KIAA1549L: variants seen among roughly 807,000 people sequenced by gnomAD.
KIAA1549L encodes UPF0606 protein KIAA1549L.
Under a neutral mutation model 160.7 loss-of-function variants are expected in KIAA1549L, and 88 were observed. The observed-to-expected ratio is 0.55, with a 90% CI of 0.46 to 0.65. KIAA1549L has a LOEUF of 0.65. Ranked by LOEUF, KIAA1549L falls within the 30% of genes least tolerant of loss-of-function variation. KIAA1549L has a pLI of 0.00. For missense variants in KIAA1549L, 2,258 were observed against 2,437.5 expected, an observed-to-expected ratio of 0.93 and a Z score of 1.55; for synonymous variants, 950 against 976.7, an observed-to-expected ratio of 0.97 and a Z score of 0.51.
chr11:33,575,625 G>C (rs1347564453), intron 10 of KIAA1549L, among the ~76,000 whole-genome samples: 1 of 152,164 alleles, frequency 6.6e-6, no homozygotes, highest in Non-Finnish European at 1.5e-5. Context: ...TATTAATCTA[G>C]ATCTGTCTGA....
rs780124463 is a variant in KIAA1549L at position 33,667,919 on chromosome 11, C to T, written c.6206C>T (p.Pro2069Leu). Residue 2069 changes from proline (P) to leucine (L), a missense_variant, in exon 21 of 21, where the codon CCC (proline) becomes CTC (leucine). Coordinates refer to ENST00000658780, the MANE Select transcript of KIAA1549L (RefSeq NM_012194.3). ...YIEAYPRSRY[P>L]QSSPSRLPRQ... is the part of the protein sequence containing the mutation. ...GAGGCCTACCCCCGATCACGGTACCCCCAGAGCTCTCCCTCCAGGCTTCCT... is the reference window on the plus strand; with the variant it reads ...GAGGCCTACCCCCGATCACGGTACCTCCAGAGCTCTCCCTCCAGGCTTCCT... 5 of 1,613,592 alleles carry T rather than the reference C, an allele frequency of 3.1e-6. No individual in the cohort carries two copies. The Admixed American group carries it at 6.7e-5, about 22-fold the overall frequency.
intron 1 of KIAA1549L, among the ~76,000 whole-genome samples, chr11:33,427,244 A>G (rs1316900967): frequency 1.4e-5 from 2 of 146,330 alleles, no homozygotes; most frequent in African/African-American, 2.4e-5. Flanking sequence ...CTCCCAAGAA[A>G]AAACAGGTAG....
chr11:33,646,436 CTTTGAGCCAGA>C (rs1851726326), intron 17 of KIAA1549L, among the ~76,000 whole-genome samples: 1 of 152,160 alleles, frequency 6.6e-6, no homozygotes. Context: ...AGCGCACAGG[CTTTGAGCCAGA>C]TGGCTCGAAT....
intron 1 of KIAA1549L, among the ~76,000 whole-genome samples, chr11:33,528,809 C>T (rs1276724282): frequency 6.6e-6 from 1 of 152,074 alleles, no homozygotes; most frequent in Non-Finnish European, 1.5e-5. Flanking sequence ...ATATAATGGA[C>T]TCTGGGGACT....
At chr11:33,548,844 G>A (rs150988067) in intron 4 of KIAA1549L, among the ~76,000 whole-genome samples, 1 of 151,436 alleles carries the variant, frequency 6.6e-6, no homozygotes, top group East Asian at 1.9e-4. Context: ...CTGTCCTACA[G>A]CTGCAGTCAG....
chr11:33,578,588 C>A (rs1215991643), intron 10 of KIAA1549L, among the ~76,000 whole-genome samples: 1 of 152,208 alleles, frequency 6.6e-6, no homozygotes, highest in Non-Finnish European at 1.5e-5. Context: ...TAGAAAAATA[C>A]TTGCTGGCTC....
intron 10 of KIAA1549L, among the ~76,000 whole-genome samples, chr11:33,580,571 C>CAA (rs368467299): frequency 5.7e-4 from 30 of 52,488 alleles, no homozygotes; most frequent in African/African-American, 1.2e-3. Context: ...GATTCTGCCT[C>CAA]AAAAAAAAAA....
intron 20 of KIAA1549L, among the ~76,000 whole-genome samples, chr11:33,667,168 G>A (rs949927653): frequency 6.6e-5 from 10 of 152,076 alleles, no homozygotes; most frequent in Admixed American, 1.3e-4. Flanking sequence ...CTGCACTACA[G>A]CCTGGATGAC....
At chr11:33,600,050 G>A (rs535592779) in intron 13 of KIAA1549L, among the ~76,000 whole-genome samples, 40 of 152,040 alleles carry the variant, frequency 2.6e-4, no homozygotes, top group Non-Finnish European at 1.9e-4. Context: ...AAGAAATAAC[G>A]ACACATGGAT....
At chr11:33,518,351 G>A (rs1853403659) in intron 1 of KIAA1549L, among the ~76,000 whole-genome samples, 1 of 152,104 alleles carries the variant, frequency 6.6e-6, no homozygotes, top group Admixed American at 6.5e-5. Context: ...ACATGTAAAT[G>A]GGAGCATGTC....
chr11:33,605,424 C>G (rs1850476012), intron 13 of KIAA1549L, among the ~76,000 whole-genome samples: 2 of 152,112 alleles, frequency 1.3e-5, no homozygotes, highest in Admixed American at 6.5e-5. Flanking sequence ...ATGGATGCAT[C>G]TGGTAACACA....
Position 33,614,103 on chromosome 11 carries a change from A to T in KIAA1549L, c.5279+4137A>T, listed in dbSNP as rs565250125. Among the ~76,000 whole-genome samples, 8 of 152,268 alleles carry T rather than the reference A, an allele frequency of 5.3e-5. No individual in the cohort carries two copies. In the East Asian group the frequency reaches 1.2e-3, roughly 22 times the overall value. ...GTGGAGCATCCTCAGTTTGTAACAG[A>T]TGGAAACTGATGGATAAATACCCCT... On this transcript the variant is annotated intron_variant, in intron 15 of 20. Coordinates refer to ENST00000658780, the MANE Select transcript of KIAA1549L (RefSeq NM_012194.3).
chr11:33,447,082 C>G (rs574074236), intron 1 of KIAA1549L, among the ~76,000 whole-genome samples: 39 of 152,222 alleles, frequency 2.6e-4, no homozygotes, highest in African/African-American at 8.7e-4. Context: ...CTTGTGGCAG[C>G]ACAGTCTTGT....
intron 1 of KIAA1549L, among the ~76,000 whole-genome samples, chr11:33,414,320 A>G (rs1052476050): frequency 5.3e-5 from 8 of 152,204 alleles, no homozygotes; most frequent in African/African-American, 1.9e-4. Context: ...TCCATGGATG[A>G]TTAGATAATC....
At chr11:33,490,776 C>T (rs749606793) in intron 1 of KIAA1549L, among the ~76,000 whole-genome samples, 1 of 152,172 alleles carries the variant, frequency 6.6e-6, no homozygotes, top group African/African-American at 2.4e-5. Flanking sequence ...CATTTAACAC[C>T]GTGCTCTCAA....
At chr11:33,564,189 T>A (rs909285034) in intron 8 of KIAA1549L, among the ~76,000 whole-genome samples, 5 of 152,192 alleles carry the variant, frequency 3.3e-5, no homozygotes, top group African/African-American at 1.2e-4. Flanking sequence ...TGTGACCACC[T>A]TCTGAACCCC....
chr11:33,433,428 G>A (rs1279381657), intron 1 of KIAA1549L, among the ~76,000 whole-genome samples: 1 of 152,090 alleles, frequency 6.6e-6, no homozygotes, highest in African/African-American at 2.4e-5. Context: ...TTATTAAAAA[G>A]TCAGGAAACA....
intron 1 of KIAA1549L, among the ~76,000 whole-genome samples, chr11:33,444,731 T>G (rs190386865): frequency 1.4e-4 from 22 of 152,240 alleles, no homozygotes; most frequent in Non-Finnish European, 1.5e-5. Flanking sequence ...AATACACTAC[T>G]CTGCAAAAAA....
chr11:33,377,067 G>GA (rs1297007724), intron 1 of KIAA1549L, among the ~76,000 whole-genome samples, 178 bp downstream of exon 1: 9 of 151,282 alleles, frequency 5.9e-5, no homozygotes, highest in East Asian at 3.9e-4. Flanking sequence ...GGGCGGGGAA[G>GA]AAAAAAAAAG....
Sources: allele counts gnomAD v4.1 joint callset (sites outside exome capture counted in the v4.1 genomes callset), GRCh38; gene constraint gnomAD v4.1.1; transcripts MANE v1.5; gene names NCBI Gene and HGNC (gene_info 2026-07-23, HGNC 2026-07-21).